The following B3GALT1 variants were observed in gnomAD, a reference collection of about 807,000 sequenced individuals.
B3GALT1 encodes UDP-Gal:betaGlcNAc beta 1,3-galactosyltransferase, polypeptide 1.
Under a neutral mutation model 23.2 loss-of-function variants are expected in B3GALT1, and 10 were observed. The ratio of observed to expected loss-of-function variants is 0.43; its 90% CI spans 0.27 to 0.73. B3GALT1 has a LOEUF of 0.73. Ranked by LOEUF, B3GALT1 falls within the 30% of genes least tolerant of loss-of-function variation. B3GALT1 has a pLI of 0.21. For missense variants in B3GALT1, 299 were observed against 405.4 expected, an observed-to-expected ratio of 0.74 and a Z score of 2.25; for synonymous variants, 156 against 141.5, an observed-to-expected ratio of 1.10 and a Z score of -0.73.
intron 3 of B3GALT1, among the ~76,000 whole-genome samples, chr2:167,774,214 A>C (rs1053535590): frequency 2.6e-5 from 4 of 152,282 alleles, no homozygotes; most frequent in Admixed American, 6.5e-5. Context: ...GTATGTTCAA[A>C]TTCTATAATG....
At chr2:167,736,250 G>T (rs2105271016) in intron 3 of B3GALT1, among the ~76,000 whole-genome samples, 1 of 152,128 alleles carries the variant, frequency 6.6e-6, no homozygotes, top group African/African-American at 2.4e-5. Flanking sequence ...CCACATTTAA[G>T]AAAAATGACA....
At chr2:167,367,075 GCTACTGATGTAACAGACTATTACATCACA>G (rs1697599674) in intron 1 of B3GALT1, among the ~76,000 whole-genome samples, 1 of 152,172 alleles carries the variant, frequency 6.6e-6, no homozygotes, top group African/African-American at 2.4e-5. Context: ...TTCATTGAAC[GCTACTGATGTAACAGACTATTACATCACA>G]CTGAGTTTAG....
rs757914124 is a variant in B3GALT1, at chr2:167,681,341, G to T, written c.-352+34375G>T. On this transcript the variant is annotated intron_variant, in intron 3 of 4. Transcript: ENST00000392690. ...TCTGTTTTAATGACCCAAATCGTCT[G>T]TGAAATACCTCCCCATCCTTTCAAC... 5.8e-4 allele frequency among the ~76,000 whole-genome samples: 88 copies of T among 152,162 alleles called. 2 individuals are homozygous for T. Among genetic ancestry groups the T allele is most frequent in the Middle Eastern group, 3.4e-3 (1 of 294 alleles).
chr2:167,400,039 G>A (rs1405380286), intron 1 of B3GALT1, among the ~76,000 whole-genome samples: 2 of 152,082 alleles, frequency 1.3e-5, no homozygotes, highest in East Asian at 3.9e-4. Flanking sequence ...TCAGTATTAT[G>A]TAGTATTTAC....
chr2:167,491,861 A>G (rs1699715060), intron 2 of B3GALT1, among the ~76,000 whole-genome samples: 1 of 152,174 alleles, frequency 6.6e-6, no homozygotes, highest in African/African-American at 2.4e-5. Context: ...TTAATTGGAA[A>G]GTACACAGAG....
At chr2:167,673,966 A>G (rs1479395024) in intron 3 of B3GALT1, among the ~76,000 whole-genome samples, 1 of 152,096 alleles carries the variant, frequency 6.6e-6, no homozygotes, top group Non-Finnish European at 1.5e-5. Context: ...TAGTTAGATC[A>G]TTTGGAAGTT....
At chr2:167,413,499 T>A (rs1307640568) in intron 1 of B3GALT1, among the ~76,000 whole-genome samples, 2 of 152,038 alleles carry the variant, frequency 1.3e-5, no homozygotes. Context: ...CATAAATTAC[T>A]TCCTCCTATT....
chr2:167,296,087 A>G (rs2105476488), intron 1 of B3GALT1, among the ~76,000 whole-genome samples: 1 of 152,288 alleles, frequency 6.6e-6, no homozygotes, highest in East Asian at 1.9e-4. Context: ...AGGGCAGCCC[A>G]TGAGCTTAGA....
intron 3 of B3GALT1, among the ~76,000 whole-genome samples, chr2:167,677,223 C>G (rs1316937704): frequency 6.6e-6 from 1 of 152,094 alleles, no homozygotes; most frequent in East Asian, 1.9e-4. Flanking sequence ...TATAGCTGTT[C>G]TTACAGGGGA....
intron 3 of B3GALT1, chr2:167,714,615 T>C (rs936498258): frequency 1.2e-4 from 186 of 1,613,688 alleles, no homozygotes; most frequent in Non-Finnish European, 1.5e-4. Flanking sequence ...TTTTGTTTGT[T>C]GTGAGCATTT....
chr2:167,748,382 A>C (rs1162096738), intron 3 of B3GALT1, among the ~76,000 whole-genome samples: 1 of 152,086 alleles, frequency 6.6e-6, no homozygotes, highest in East Asian at 1.9e-4. Context: ...TCTGTTCCCC[A>C]TTTCACTAGA....
At chr2:167,341,350 TA>T (rs1418773235) in intron 1 of B3GALT1, among the ~76,000 whole-genome samples, 1 of 152,190 alleles carries the variant, frequency 6.6e-6, no homozygotes, top group African/African-American at 2.4e-5. Context: ...GAGAGTCTGA[TA>T]GCAGAAAAAG....
chr2:167,595,948 A>G (rs13430332), intron 2 of B3GALT1, among the ~76,000 whole-genome samples: 136 of 152,252 alleles, frequency 8.9e-4, no homozygotes, highest in African/African-American at 3.0e-3. Context: ...ACCACCTAAT[A>G]CTGCTATTTT....
chr2:167,846,673 T>C (rs1475683581), intron 4 of B3GALT1, among the ~76,000 whole-genome samples: 1 of 151,898 alleles, frequency 6.6e-6, no homozygotes, highest in Non-Finnish European at 1.5e-5. Flanking sequence ...ACAGGACCTA[T>C]AAAACAAAAA....
At chr2:167,616,534 G>A (rs564885136) in intron 2 of B3GALT1, among the ~76,000 whole-genome samples, 38 of 151,746 alleles carry the variant, frequency 2.5e-4, no homozygotes, top group Non-Finnish European at 4.9e-4. Flanking sequence ...AAACCCCGTC[G>A]CTACTAAAAA....
At chr2:167,473,996 A>G (rs1429907180) in intron 1 of B3GALT1, among the ~76,000 whole-genome samples, 1 of 152,180 alleles carries the variant, frequency 6.6e-6, no homozygotes, top group Non-Finnish European at 1.5e-5. Context: ...GTGACATCCA[A>G]CCAGAGAAAT....
At chr2:167,516,082 T>A (rs1228654) in intron 2 of B3GALT1, among the ~76,000 whole-genome samples, 7,533 of 152,152 alleles carry the variant, frequency 0.05, 621 homozygotes, top group African/African-American at 0.17. Flanking sequence ...ATTTTTCTTA[T>A]TTTTTAGACA....
At chr2:167,824,399 T>C (rs564533703) in intron 4 of B3GALT1, among the ~76,000 whole-genome samples, 1 of 152,312 alleles carries the variant, frequency 6.6e-6, no homozygotes, top group East Asian at 1.9e-4. Context: ...AAAGTTAATA[T>C]AGGAGTCAAG....
chr2:167,386,926 G>A (rs547672397), intron 1 of B3GALT1, among the ~76,000 whole-genome samples: 1 of 152,282 alleles, frequency 6.6e-6, no homozygotes, highest in African/African-American at 2.4e-5. Flanking sequence ...TGCGTTAACT[G>A]TCTCTCACCT....
Sources: gnomAD v4.1 joint callset for allele counts (sites outside exome capture counted in the v4.1 genomes callset) on GRCh38, gnomAD v4.1.1 for gene constraint, MANE v1.5 for transcripts, NCBI Gene and HGNC (gene_info 2026-07-23, HGNC 2026-07-21) for gene names.